Variants in CAMK1D observed in about 807,000 individuals in gnomAD.
CAMK1D encodes calcium/calmodulin dependent protein kinase ID.
Under a neutral mutation model 47.7 loss-of-function variants are expected in CAMK1D, and 9 were observed. That is an observed-to-expected ratio of 0.19 (90% CI 0.11 to 0.33). The LOEUF is 0.33. Among genes scored for constraint, CAMK1D ranks in the 10% least tolerant of loss-of-function variants. CAMK1D has a pLI of 1.00. For synonymous variants in CAMK1D, 184 were observed against 184.9 expected, an observed-to-expected ratio of 0.99 and a Z score of 0.04; for missense variants, 291 against 488.7, an observed-to-expected ratio of 0.60 and a Z score of 3.81.
rs115325561 is a variant in CAMK1D at position 12,388,978 on chromosome 10, G to A, written c.92+39068G>A. Among the ~76,000 whole-genome samples the A allele has an allele frequency of 9.3e-3, 1,411 of 152,278 alleles. 21 individuals carry two copies. Among genetic ancestry groups the A allele is most frequent in the African/African-American group, 0.032 (1,313 of 41,552 alleles). On this transcript the variant is annotated intron_variant, in intron 1 of 10. Transcript: ENST00000619168. ...CACTTGGGAAGCACATTGTCGTGTC[G>A]TCTGTGTGATTTACATCCCGCAGCT...
chr10:12,485,635 G>A (rs1330390970), intron 1 of CAMK1D, among the ~76,000 whole-genome samples: 9 of 152,104 alleles, frequency 5.9e-5, no homozygotes, highest in Non-Finnish European at 8.8e-5. Context: ...AGATTGTGGC[G>A]TCTCTGCCAC....
chr10:12,498,210 A>G (rs1834599067), intron 1 of CAMK1D, among the ~76,000 whole-genome samples: 1 of 152,230 alleles, frequency 6.6e-6, no homozygotes, highest in South Asian at 2.1e-4. Flanking sequence ...AAAGAGGGAA[A>G]CAGATGAAGG....
intron 3 of CAMK1D, among the ~76,000 whole-genome samples, chr10:12,701,979 G>A (rs1833536438): frequency 6.6e-6 from 1 of 152,196 alleles, no homozygotes; most frequent in Non-Finnish European, 1.5e-5. Context: ...AGGTATGTGG[G>A]GCAGAGGGCG....
intron 3 of CAMK1D, among the ~76,000 whole-genome samples, chr10:12,742,979 C>A (rs1179144141): frequency 6.6e-6 from 1 of 152,138 alleles, no homozygotes; most frequent in East Asian, 1.9e-4. Flanking sequence ...GGAGGCATAG[C>A]TCTGATGAGA....
At chr10:12,415,746 G>A (rs938132696) in intron 1 of CAMK1D, among the ~76,000 whole-genome samples, 1 of 139,142 alleles carries the variant, frequency 7.2e-6, no homozygotes, top group African/African-American at 2.6e-5. Flanking sequence ...TTAAAATTAC[G>A]TTTTTTTTTT....
chr10:12,381,348 T>A (rs1319508160), intron 1 of CAMK1D, among the ~76,000 whole-genome samples: 2 of 151,672 alleles, frequency 1.3e-5, no homozygotes, highest in Admixed American at 1.3e-4. Flanking sequence ...CTTTCTTTTT[T>A]TTTTTTTTTT....
chr10:12,644,114 T>A (rs1839751298), intron 2 of CAMK1D, among the ~76,000 whole-genome samples: 1 of 152,150 alleles, frequency 6.6e-6, no homozygotes, highest in African/African-American at 2.4e-5. Flanking sequence ...CTGAGCCCTG[T>A]CCTGGTCCAT....
At chr10:12,360,679 C>T (rs77552969) in intron 1 of CAMK1D, among the ~76,000 whole-genome samples, 4,670 of 152,118 alleles carry the variant, frequency 0.031, 253 homozygotes, top group African/African-American at 0.1. Flanking sequence ...AATTTCGTCC[C>T]GGGAGGCTCA....
chr10:12,568,176 C>CT (rs1837191134), intron 2 of CAMK1D, among the ~76,000 whole-genome samples: 1 of 100,360 alleles, frequency 1.0e-5, no homozygotes, highest in Non-Finnish European at 2.0e-5. Context: ...CTCCCTCCCT[C>CT]CCTCCCTCTC....
chr10:12,660,081 T>C (rs1840233364), intron 2 of CAMK1D, among the ~76,000 whole-genome samples: 1 of 152,206 alleles, frequency 6.6e-6, no homozygotes, highest in South Asian at 2.1e-4. Flanking sequence ...ATAACCTAAG[T>C]AGGTCAATGC....
At chr10:12,657,063 T>C (rs2047286483) in intron 2 of CAMK1D, among the ~76,000 whole-genome samples, 1 of 152,232 alleles carries the variant, frequency 6.6e-6, no homozygotes, top group Non-Finnish European at 1.5e-5. Flanking sequence ...TCTTTTTGTG[T>C]GCACTTTTAT....
At chr10:12,789,805 G>A (rs11257989) in intron 5 of CAMK1D, among the ~76,000 whole-genome samples, 1,615 of 109,910 alleles carry the variant, frequency 0.015, 31 homozygotes, top group African/African-American at 0.04. Flanking sequence ...AATCCAACAA[G>A]TACTTTGTCA....
chr10:12,506,289 A>T (rs1834869788), intron 1 of CAMK1D, among the ~76,000 whole-genome samples: 1 of 152,072 alleles, frequency 6.6e-6, no homozygotes, highest in South Asian at 2.1e-4. Flanking sequence ...GTGGGGTGCC[A>T]TGTGCCTGTA....
chr10:12,514,563 T>A (rs994347192), intron 1 of CAMK1D, among the ~76,000 whole-genome samples: 1 of 152,240 alleles, frequency 6.6e-6, no homozygotes, highest in Non-Finnish European at 1.5e-5. Context: ...TCAAGAAGTA[T>A]GTGGGGCAGG....
At chr10:12,669,991 T>G (rs1336095700) in intron 3 of CAMK1D, among the ~76,000 whole-genome samples, 1 of 152,186 alleles carries the variant, frequency 6.6e-6, no homozygotes, top group Non-Finnish European at 1.5e-5. Flanking sequence ...CTGTGAACGT[T>G]CACGTACAGG....
chr10:12,350,023 T>C lies in CAMK1D; in HGVS notation c.92+113T>C, dbSNP rs1837301090. ...GGCAGAAACCCAGCCTGTCACCGCG[T>C]CCTCATTGTCCCGTTCTCGGCGCTG... On this transcript the variant is annotated intron_variant, in intron 1 of 10. Coordinates refer to ENST00000619168, the MANE Select transcript of CAMK1D (RefSeq NM_153498.4). The C allele has an allele frequency of 9.8e-6, 4 of 408,542 alleles. No individual in the cohort carries two copies. In the South Asian group the frequency reaches 1.2e-4, roughly 13 times the overall value. The allele number at this position is 408,542 out of a possible 1,614,324, so 25.3% of individuals were successfully genotyped here.
chr10:12,413,030 G>T (rs990743897), intron 1 of CAMK1D, among the ~76,000 whole-genome samples: 1 of 152,198 alleles, frequency 6.6e-6, no homozygotes, highest in Admixed American at 6.5e-5. Flanking sequence ...AGAATGGTGT[G>T]TATATTAGGC....
At chr10:12,827,757 C>T (rs61852168) in intron 10 of CAMK1D, among the ~76,000 whole-genome samples, 129,236 of 151,178 alleles carry the variant, frequency 0.85, 55,268 homozygotes, top group East Asian at 0.95. Flanking sequence ...GGCACAGTCA[C>T]GGCTCACTGC....
intron 3 of CAMK1D, among the ~76,000 whole-genome samples, chr10:12,669,263 C>T (rs926913373): frequency 1.2e-4 from 18 of 151,944 alleles, no homozygotes; most frequent in African/African-American, 4.1e-4. Context: ...CAAAAAACCA[C>T]GTCGTTAATA....
Sources: allele counts gnomAD v4.1 joint callset (sites outside exome capture counted in the v4.1 genomes callset), GRCh38; gene constraint gnomAD v4.1.1; transcripts MANE v1.5; gene names NCBI Gene and HGNC (gene_info 2026-07-23, HGNC 2026-07-21).